Variants in CCDC73 observed in about 807,000 individuals in gnomAD.
The protein encoded by CCDC73 is coiled-coil domain-containing protein 73.
CCDC73 carries 95 observed loss-of-function variants against 116.5 expected under a neutral mutation model. That is an observed-to-expected ratio of 0.82 (90% CI 0.69 to 0.97). CCDC73 has a LOEUF of 0.97. Among genes scored for constraint, CCDC73 ranks in the 50% least tolerant of loss-of-function variants. The pLI is 0.00. For synonymous variants in CCDC73, 398 were observed against 401.3 expected, an observed-to-expected ratio of 0.99 and a Z score of 0.10; for missense variants, 1,066 against 1,206.8, an observed-to-expected ratio of 0.88 and a Z score of 1.73.
chr11:32,741,738 C>A (rs1850188777), intron 2 of CCDC73, among the ~76,000 whole-genome samples: 1 of 151,922 alleles, frequency 6.6e-6, no homozygotes, highest in Non-Finnish European at 1.5e-5. Context: ...TATTCACATG[C>A]CATGGTGGTT....
intron 2 of CCDC73, among the ~76,000 whole-genome samples, chr11:32,721,596 C>CT (rs751028003): frequency 0.021 from 2,981 of 140,968 alleles, 93 homozygotes; most frequent in African/African-American, 0.067. Flanking sequence ...CTATGACTCA[C>CT]TTTTTTTTTT....
At chr11:32,633,759 C>G (rs1855653101) in intron 14 of CCDC73, among the ~76,000 whole-genome samples, 1 of 152,138 alleles carries the variant, frequency 6.6e-6, no homozygotes, top group Non-Finnish European at 1.5e-5. Flanking sequence ...TGCAGGTACC[C>G]TCTATGTAGC....
intron 9 of CCDC73, 54 bp downstream of exon 9, chr11:32,675,511 G>T: frequency 8.8e-7 from 1 of 1,142,634 alleles, no homozygotes. Context: ...TAGCGCATAA[G>T]ACTATTTTAT....
At chr11:32,808,873 T>C in the CCDC73 span, among the ~76,000 whole-genome samples, 2 of 152,256 alleles carry the variant, frequency 1.3e-5, no homozygotes, top group Non-Finnish European at 1.5e-5. Flanking sequence ...ACATTATTCC[T>C]ATTAATATTT....
At chr11:32,793,661 A>G (rs190284054) in intron 1 of CCDC73, among the ~76,000 whole-genome samples, 1,885 of 152,058 alleles carry the variant, frequency 0.012, 16 homozygotes, top group Non-Finnish European at 0.018. Context: ...CCCAGGCTGG[A>G]GTGCAGTGGA....
chr11:32,682,115 T>C (rs1011890587), intron 7 of CCDC73: 1 of 151,000 alleles, frequency 6.6e-6, no homozygotes, highest in South Asian at 2.1e-4. Flanking sequence ...TGTTTCCATG[T>C]TTTTTTTTAA....
At chr11:32,801,718 A>T in the CCDC73 span, among the ~76,000 whole-genome samples, 15,360 of 152,182 alleles carry the variant, frequency 0.1, 1,042 homozygotes, top group Non-Finnish European at 0.15. Flanking sequence ...TAAGTAGGCA[A>T]TCAATAGCAT....
At chr11:32,777,022 T>A (rs868767652) in intron 1 of CCDC73, among the ~76,000 whole-genome samples, 51 of 131,012 alleles carry the variant, frequency 3.9e-4, no homozygotes, top group African/African-American at 1.2e-3. Flanking sequence ...TATATATATA[T>A]AATTGAACTT....
At chr11:32,685,003 CTGACCAAGTTAAATGCCA>C (rs1856182941) in intron 6 of CCDC73, among the ~76,000 whole-genome samples, 4 of 151,936 alleles carry the variant, frequency 2.6e-5, no homozygotes, top group Admixed American at 6.6e-5. Context: ...TATATAGTGG[CTGACCAAGTTAAATGCCA>C]ACCAGCCATG....
At chr11:32,632,496 G>T (rs1855640462) in intron 14 of CCDC73, among the ~76,000 whole-genome samples, 1 of 152,140 alleles carries the variant, frequency 6.6e-6, no homozygotes, top group African/African-American at 2.4e-5. Flanking sequence ...AAAGTGCTGG[G>T]ATTACAGGTG....
At chr11:32,673,783 T>C (rs1244664349) in intron 9 of CCDC73, among the ~76,000 whole-genome samples, 1 of 152,140 alleles carries the variant, frequency 6.6e-6, no homozygotes, top group Non-Finnish European at 1.5e-5. Context: ...TTTGCAAAGG[T>C]GCACGAAGGA....
intron 9 of CCDC73, among the ~76,000 whole-genome samples, chr11:32,674,169 G>C (rs1284911612): frequency 2.6e-5 from 4 of 151,992 alleles, no homozygotes; most frequent in African/African-American, 9.7e-5. Context: ...AGATTTTTTT[G>C]CATGCCAATA....
the CCDC73 span, among the ~76,000 whole-genome samples, chr11:32,819,687 C>A: frequency 6.6e-6 from 1 of 152,152 alleles, no homozygotes; most frequent in Non-Finnish European, 1.5e-5. Context: ...TCTTGAACAT[C>A]TGGGCTCAAG....
intron 3 of CCDC73, among the ~76,000 whole-genome samples, chr11:32,716,308 G>A (rs7938290): frequency 0.27 from 41,145 of 151,840 alleles, 6,439 homozygotes; most frequent in East Asian, 0.79. Context: ...TGATTTAAAG[G>A]CCACCGTTAA....
At chr11:32,755,046 C>T (rs922985144) in intron 2 of CCDC73, among the ~76,000 whole-genome samples, 55 of 150,598 alleles carry the variant, frequency 3.7e-4, no homozygotes, top group Non-Finnish European at 4.3e-4. Context: ...CATCACCATG[C>T]CCAGCTAATT....
intron 2 of CCDC73, among the ~76,000 whole-genome samples, chr11:32,742,918 T>C (rs1444066231): frequency 6.6e-6 from 1 of 152,214 alleles, no homozygotes; most frequent in East Asian, 1.9e-4. Flanking sequence ...AGAGAATCTT[T>C]TCCCCATTGC....
At chr11:32,829,908 G>T in the CCDC73 span, 1 of 985,610 alleles carries the variant, frequency 1.0e-6, no homozygotes, top group Non-Finnish European at 1.2e-6. Flanking sequence ...GTGTCCCCAG[G>T]TAGCCGCCTC....
chr11:32,621,072 A>G (rs1308325406), intron 14 of CCDC73, among the ~76,000 whole-genome samples: 1 of 152,236 alleles, frequency 6.6e-6, no homozygotes, highest in Non-Finnish European at 1.5e-5. Flanking sequence ...AGGAAGAATC[A>G]ATATAGTGAA....
chr11:32,814,831 A>G, the CCDC73 span, among the ~76,000 whole-genome samples: 15,620 of 152,272 alleles, frequency 0.1, 847 homozygotes, highest in Non-Finnish European at 0.13. Context: ...CAGAAAATAA[A>G]ATACTATTTA....
Sources: allele counts gnomAD v4.1 joint callset (sites outside exome capture counted in the v4.1 genomes callset), GRCh38; gene constraint gnomAD v4.1.1; transcripts MANE v1.5; gene names NCBI Gene and HGNC (gene_info 2026-07-23, HGNC 2026-07-21).